PTPRO: variants seen among roughly 807,000 people sequenced by gnomAD.
The protein encoded by PTPRO is receptor-type tyrosine-protein phosphatase O.
PTPRO carries 62 observed loss-of-function variants against 145.2 expected under a neutral mutation model. That is an observed-to-expected ratio of 0.43 (90% confidence interval 0.35 to 0.53). The LOEUF is 0.53. Ranked by LOEUF, PTPRO falls within the 20% of genes least tolerant of loss-of-function variation. PTPRO has a pLI of 0.01. For missense variants in PTPRO, 1,345 were observed against 1,482.7 expected (o/e 0.91, Z 1.53); for synonymous variants, 565 against 514.7 (o/e 1.10, Z -1.32).
chr12:15,364,210 G>A (rs77159833), intron 1 of PTPRO, among the ~76,000 whole-genome samples: 1 of 152,134 alleles, frequency 6.6e-6, no homozygotes, highest in Admixed American at 6.6e-5. Context: ...TGAGGCTTCA[G>A]TTCAAAGCAT....
rs554307494 is a variant in PTPRO, at chr12:15,489,008, A to G, written c.349+4761A>G. Among the ~76,000 whole-genome samples the G allele has an allele frequency of 5.7e-4, 87 of 152,320 alleles. 3 individuals carry two copies. The South Asian group carries it at 0.017, about 30-fold the overall frequency. On this transcript the variant is annotated intron_variant, in intron 2 of 26. Coordinates refer to ENST00000281171, the MANE Select transcript of PTPRO (RefSeq NM_030667.3). ...GCTGTACACATTAAAGAATACACAT[A>G]GAGACACTCTACAAATATAATATTC...
rs545609264 is a variant in PTPRO, at chr12:15,466,354, C to T, written c.76-17620C>T. Among the ~76,000 whole-genome samples, 79 of 152,154 alleles carry T rather than the reference C, an allele frequency of 5.2e-4. 1 individual carries two copies. Among genetic ancestry groups the T allele is most frequent in the Non-Finnish European group, 7.4e-4 (50 of 67,990 alleles). ...TTATGTTTGTCACTAGTTCAAGTAACGGCAAATCTGAGTTACCATGGTTTC... is the reference window on the plus strand; with the variant it reads ...TTATGTTTGTCACTAGTTCAAGTAATGGCAAATCTGAGTTACCATGGTTTC... On this transcript the variant is annotated intron_variant, in intron 1 of 26. Coordinates refer to ENST00000281171, the MANE Select transcript of PTPRO (RefSeq NM_030667.3).
rs1565668072 is a variant in PTPRO, at chr12:15,501,885, T to C, written c.927T>C (p.Ser309=). The stretch of plus-strand genomic sequence containing the variant: ...ACAGTGCATCTGCAGCTCCTGAAAG[T>C]GAAGATGAATTTGTCAGCGTACTTC... ...WWDSASAAPE[S]EDEFVSVLPM... is the part of the protein sequence containing the mutation. The change falls in exon 5 of 27, where the codon AGT becomes AGC. Residue 309 remains serine, a synonymous_variant. Coordinates refer to ENST00000281171, the MANE Select transcript of PTPRO (RefSeq NM_030667.3). 2 of 1,613,932 alleles carry C rather than the reference T, an allele frequency of 1.2e-6. No homozygotes were observed. Among genetic ancestry groups the C allele is most frequent in the Non-Finnish European group, 1.7e-6 (2 of 1,180,010 alleles).
Position 15,513,104 on chromosome 12 carries a change from AAAGAAAGGAAGG to A in PTPRO, c.1465-2390_1465-2379del, listed in dbSNP as rs796413410. On this transcript the variant is annotated intron_variant, in intron 7 of 26. Transcript: ENST00000281171. Reference sequence around the variant, plus strand: ...AGAAAGAAAGAAAGAAGAAAGAAAGAAAGAAAGGAAGGAAGGAAGGAAGGAAGGAAGGAAGGA... The same window carrying A: ...AGAAAGAAAGAAAGAAGAAAGAAAGAAAGGAAGGAAGGAAGGAAGGAAGGA... Among the ~76,000 whole-genome samples, 47 of 15,670 alleles carry A rather than the reference AAAGAAAGGAAGG, an allele frequency of 3.0e-3. 2 individuals carry two copies. The South Asian group carries it at 0.036, about 12-fold the overall frequency. 10.3% of individuals were successfully genotyped at this position (15,670 alleles called of 152,430 possible).
chr12:15,487,848 C>G, intron 2 of PTPRO, among the ~76,000 whole-genome samples: 1 of 152,272 alleles, frequency 6.6e-6, no homozygotes, highest in East Asian at 1.9e-4. Context: ...TTAAATAGCT[C>G]TATGTAGCTA....
intron 1 of PTPRO, among the ~76,000 whole-genome samples, chr12:15,325,702 TTG>T (rs1866426731): frequency 6.6e-6 from 1 of 152,222 alleles, no homozygotes; most frequent in Non-Finnish European, 1.5e-5. Context: ...CTTCCTACAC[TTG>T]TCCTATCTTT....
intron 1 of PTPRO, among the ~76,000 whole-genome samples, chr12:15,342,453 A>AT (rs1267030908): frequency 6.6e-6 from 1 of 151,766 alleles, no homozygotes; most frequent in African/African-American, 2.4e-5. Context: ...TAGAGCATCA[A>AT]TTGTGTGCCA....
At chr12:15,480,892 C>G (rs546649931) in intron 1 of PTPRO, among the ~76,000 whole-genome samples, 4 of 152,316 alleles carry the variant, frequency 2.6e-5, no homozygotes, top group African/African-American at 9.6e-5. Flanking sequence ...CAAAATCTCT[C>G]TGCTTTGTTC....
intron 1 of PTPRO, among the ~76,000 whole-genome samples, chr12:15,437,438 A>G (rs1301832113): frequency 6.6e-6 from 1 of 150,536 alleles, no homozygotes; most frequent in Non-Finnish European, 1.5e-5. Context: ...TGGTGCAAGG[A>G]ATCCCTCTCT....
intron 12 of PTPRO, among the ~76,000 whole-genome samples, chr12:15,540,336 T>G (rs1943156245): frequency 6.6e-6 from 1 of 152,224 alleles, no homozygotes. Context: ...ATGTTAACAT[T>G]TATGCTTTGC....
At chr12:15,380,914 A>G (rs1565597197) in intron 1 of PTPRO, among the ~76,000 whole-genome samples, 1 of 152,168 alleles carries the variant, frequency 6.6e-6, no homozygotes, top group African/African-American at 2.4e-5. Context: ...CTGTGAATGG[A>G]TTTTTTAAAG....
At chr12:15,383,478 G>A (rs1938926262) in intron 1 of PTPRO, among the ~76,000 whole-genome samples, 1 of 152,106 alleles carries the variant, frequency 6.6e-6, no homozygotes, top group African/African-American at 2.4e-5. Context: ...ACTTAATGTT[G>A]ATGATAAAAA....
rs145955629 is a variant in PTPRO at position 15,531,508 on chromosome 12, T to C, written c.2164+5246T>C. ...ACAGCTGGAAAGTGACTGTGTAGCATACAACTGGAAAGTGACTGTGTAACA... is the reference window on the plus strand; with the variant it reads ...ACAGCTGGAAAGTGACTGTGTAGCACACAACTGGAAAGTGACTGTGTAACA... On this transcript the variant is annotated intron_variant, in intron 12 of 26. Transcript: ENST00000281171. Among the ~76,000 whole-genome samples, 997 of 152,298 alleles carry C rather than the reference T, an allele frequency of 6.5e-3. 14 individuals are homozygous for C. The highest frequency in any genetic ancestry group is 0.023 in the African/African-American group (953 of 41,574).
At chr12:15,418,004 T>C (rs1940030088) in intron 1 of PTPRO, among the ~76,000 whole-genome samples, 1 of 151,818 alleles carries the variant, frequency 6.6e-6, no homozygotes, top group Admixed American at 6.5e-5. Flanking sequence ...ATAGCAACTT[T>C]GGTAGAATAT....
rs753616808 is a variant in PTPRO at position 15,557,539 on chromosome 12, G to T, written c.2627+16G>T. The T allele has an allele frequency of 1.9e-6, 3 of 1,608,286 alleles. No homozygotes were observed. The highest frequency in any genetic ancestry group is 4.5e-5 in the East Asian group (2 of 44,818). The stretch of plus-strand genomic sequence containing the variant: ...CATACAACTGGTGAGTATTGTTTTG[G>T]AACAAGCTTCTACATAGTTTAACTA... On this transcript the variant is annotated intron_variant, in intron 16 of 26. Transcript: ENST00000281171.
At chr12:15,435,154 G>C (rs1378020594) in intron 1 of PTPRO, among the ~76,000 whole-genome samples, 2 of 152,152 alleles carry the variant, frequency 1.3e-5, no homozygotes, top group African/African-American at 4.8e-5. Context: ...TGGGCAAGAG[G>C]CTGGTATAGG....
At chr12:15,371,435 C>A (rs1172793810) in intron 1 of PTPRO, among the ~76,000 whole-genome samples, 1 of 151,764 alleles carries the variant, frequency 6.6e-6, no homozygotes, top group African/African-American at 2.4e-5. Flanking sequence ...GTTTCACTAT[C>A]TTGGCCAGGT....
chr12:15,557,006 G>C (rs1943645055), intron 15 of PTPRO, among the ~76,000 whole-genome samples: 1 of 151,152 alleles, frequency 6.6e-6, no homozygotes, highest in Non-Finnish European at 1.5e-5. Context: ...GGAACATATG[G>C]AACTTCTATT....
At chr12:15,534,446 CG>C (rs1943026537) in intron 12 of PTPRO, among the ~76,000 whole-genome samples, 1 of 152,048 alleles carries the variant, frequency 6.6e-6, no homozygotes, top group African/African-American at 2.4e-5. Flanking sequence ...TTGTGGTAGT[CG>C]TGATGGTAAT....
Sources: allele counts gnomAD v4.1 joint callset (sites outside exome capture counted in the v4.1 genomes callset), GRCh38; gene constraint gnomAD v4.1.1; transcripts MANE v1.5; gene names NCBI Gene and HGNC (gene_info 2026-07-23, HGNC 2026-07-21).